Variants in ASZ1 observed in about 807,000 individuals in gnomAD.
ASZ1 encodes the protein ankyrin repeat, SAM and basic leucine zipper domain containing 1.
A neutral mutation model predicts 61.8 loss-of-function variants in ASZ1; 67 were observed. The observed-to-expected ratio is 1.08, with a 90% CI of 0.89 to 1.33. The LOEUF (loss-of-function observed/expected upper bound fraction) is 1.33. ASZ1 is among the 40% of genes most tolerant of loss of function. The pLI is 0.00. For missense variants in ASZ1, 577 were observed against 554.5 expected (o/e 1.04, Z -0.41); for synonymous variants, 193 against 192.7 (o/e 1.00, Z -0.01).
At chr7:117,424,647 A>G (rs1797161916) in intron 2 of ASZ1, among the ~76,000 whole-genome samples, 2 of 152,220 alleles carry the variant, frequency 1.3e-5, no homozygotes, top group Non-Finnish European at 2.9e-5. Flanking sequence ...AAAAGCCTCT[A>G]TCACATTCAC....
chr7:117,424,602 A>T (rs944401269), intron 2 of ASZ1, among the ~76,000 whole-genome samples: 1 of 152,212 alleles, frequency 6.6e-6, no homozygotes, highest in Non-Finnish European at 1.5e-5. Flanking sequence ...AAAAGCTCAC[A>T]TCTGCCCATC....
intron 4 of ASZ1, among the ~76,000 whole-genome samples, chr7:117,406,937 C>G (rs554939716): frequency 6.6e-6 from 1 of 151,640 alleles, no homozygotes; most frequent in East Asian, 1.9e-4. Context: ...TCTAGGGTAG[C>G]CACTCAAAGA....
intron 4 of ASZ1, among the ~76,000 whole-genome samples, chr7:117,398,430 A>G (rs1796615949): frequency 6.6e-6 from 1 of 152,254 alleles, no homozygotes; most frequent in South Asian, 2.1e-4. Flanking sequence ...AAATGGAAAC[A>G]ATCCAAGTGT....
chr7:117,392,589 T>A (rs1466391217), intron 4 of ASZ1, among the ~76,000 whole-genome samples: 1 of 152,174 alleles, frequency 6.6e-6, no homozygotes, highest in Non-Finnish European at 1.5e-5. Context: ...CTATGGAGTC[T>A]TCTGGGGGAA....
At chr7:117,410,161 A>AT (rs759986808) in intron 4 of ASZ1, among the ~76,000 whole-genome samples, 1 of 151,656 alleles carries the variant, frequency 6.6e-6, no homozygotes, top group Non-Finnish European at 1.5e-5. Flanking sequence ...GGCATCAGCC[A>AT]TTTTTTTAGA....
chr7:117,427,296 C>T, intron 1 of ASZ1, 60 bp downstream of exon 1: 1 of 1,564,248 alleles, frequency 6.4e-7, no homozygotes, highest in Non-Finnish European at 8.8e-7. Context: ...CTGGGCCTCG[C>T]CTTCGAGGGC....
intron 4 of ASZ1, among the ~76,000 whole-genome samples, chr7:117,405,034 G>C (rs866643931): frequency 1.3e-5 from 2 of 152,072 alleles, no homozygotes; most frequent in African/African-American, 4.8e-5. Context: ...TTCAGGCAGG[G>C]CAAGTCTTGA....
At chr7:117,382,962 T>C in intron 7 of ASZ1, 24 bp downstream of exon 7, 1 of 1,523,430 alleles carries the variant, frequency 6.6e-7, no homozygotes, top group South Asian at 1.3e-5. Context: ...AGGTATTCTG[T>C]TGAACTAAAA....
intron 4 of ASZ1, among the ~76,000 whole-genome samples, chr7:117,388,616 C>A (rs1415880882): frequency 6.6e-6 from 1 of 152,000 alleles, no homozygotes; most frequent in South Asian, 2.1e-4. Flanking sequence ...AAACACTCAG[C>A]AACATAGGAA....
At position 117,380,033 on chromosome 7, in the gene ASZ1, A is replaced by C; in HGVS notation, c.960T>G (p.Ser320Arg). The stretch of plus-strand genomic sequence containing the variant: ...CAGCCAGAATTTTCTGCTGGTCTTT[A>C]CTGGTAATTCCATTCTAAGCAGAAA... ...EDEFTKNGIT[S>R]KDQQKILAAL... Residue 320 changes from serine to arginine, a missense_variant, in exon 10 of 13, where the codon AGT (serine) becomes AGG (arginine). Physicochemically the swap from Ser to Arg is moderately radical, Grantham distance 110 (BLOSUM62 -1). Transcript: ENST00000284629. 1 of 1,593,682 alleles carries C rather than the reference A, an allele frequency of 6.3e-7. No individual in the cohort carries two copies. Among genetic ancestry groups the C allele is most frequent in the South Asian group, 1.1e-5 (1 of 90,208 alleles).
chr7:117,426,915 G>A lies in ASZ1; in HGVS notation c.126C>T (p.Pro42=), dbSNP rs1356486312. The change falls in exon 2 of 13, where the codon CCC becomes CCT. Residue 42 remains proline, a synonymous_variant. Coordinates refer to ENST00000284629, the MANE Select transcript of ASZ1 (RefSeq NM_130768.3). ...TAAATTTTTCTTTCTTTTCTTCAATGGGTAATAGCCTTTTCAATTTCTAGA... is the reference window on the plus strand; with the variant it reads ...TAAATTTTTCTTTCTTTTCTTCAATAGGTAATAGCCTTTTCAATTTCTAGA... The part of the protein sequence containing the change: ...RTSQKLKRLL[P]IEEKKEKFKK... 6.2e-7 allele frequency: 1 copy of A among 1,611,882 alleles called. No individual in the cohort carries two copies. Among genetic ancestry groups the A allele is most frequent in the Admixed American group, 1.7e-5 (1 of 59,622 alleles).
chr7:117,366,486 T>C (rs570998570), intron 12 of ASZ1, among the ~76,000 whole-genome samples: 1 of 152,150 alleles, frequency 6.6e-6, no homozygotes, highest in South Asian at 2.1e-4. Flanking sequence ...ACATCAAATT[T>C]ATGTATTAAA....
chr7:117,382,397 A>G lies in ASZ1; in HGVS notation c.813-253T>C, dbSNP rs572539215. Among the ~76,000 whole-genome samples, 8 of 152,270 alleles carry G rather than the reference A, an allele frequency of 5.3e-5. No homozygotes were observed. In the East Asian group the frequency reaches 1.5e-3, roughly 29 times the overall value. ...TGTACTCCTTGTGAAATTTCTGCAC[A>G]TAAAAATCTCCTCAGCCTGGTACAG... On this transcript the variant is annotated intron_variant, in intron 7 of 12. Transcript: ENST00000284629.
chr7:117,381,829 T>TA (rs1307823545), intron 8 of ASZ1, among the ~76,000 whole-genome samples: 2 of 152,148 alleles, frequency 1.3e-5, no homozygotes, highest in Non-Finnish European at 2.9e-5. Flanking sequence ...CTCAGGTGTA[T>TA]ATGAAGGTTA....
intron 4 of ASZ1, among the ~76,000 whole-genome samples, chr7:117,413,464 GA>G (rs1796934595): frequency 6.6e-6 from 1 of 152,082 alleles, no homozygotes; most frequent in African/African-American, 2.4e-5. Context: ...CTAAAGCCCG[GA>G]AACAAATTCT....
intron 2 of ASZ1, among the ~76,000 whole-genome samples, chr7:117,425,512 C>T (rs1333979646): frequency 1.3e-5 from 2 of 151,874 alleles, no homozygotes; most frequent in East Asian, 1.9e-4. Flanking sequence ...TCGTGATCCG[C>T]CCGCCTTGGA....
At chr7:117,394,148 G>A (rs905636734) in intron 4 of ASZ1, among the ~76,000 whole-genome samples, 16 of 151,298 alleles carry the variant, frequency 1.1e-4, no homozygotes, top group African/African-American at 3.2e-4. Flanking sequence ...TCTGTCACTC[G>A]GGCTAGAGTG....
chr7:117,378,208 A>G (rs1225270347), intron 10 of ASZ1, among the ~76,000 whole-genome samples: 1 of 152,144 alleles, frequency 6.6e-6, no homozygotes, highest in Non-Finnish European at 1.5e-5. Context: ...CCTCATCAAA[A>G]TAAAAGTTTC....
At chr7:117,404,053 G>A (rs2116506551) in intron 4 of ASZ1, among the ~76,000 whole-genome samples, 1 of 152,224 alleles carries the variant, frequency 6.6e-6, no homozygotes, top group Non-Finnish European at 1.5e-5. Context: ...CACAAAACTG[G>A]TCCCTGGTGC....
Sources: allele counts gnomAD v4.1 joint callset (sites outside exome capture counted in the v4.1 genomes callset), GRCh38; gene constraint gnomAD v4.1.1; transcripts MANE v1.5; gene names NCBI Gene and HGNC (gene_info 2026-07-23, HGNC 2026-07-21).